The following BAZ2B variants were observed in gnomAD, a reference collection of about 807,000 sequenced individuals.
BAZ2B encodes the protein bromodomain adjacent to zinc finger domain 2B.
BAZ2B carries 91 observed loss-of-function variants against 246.0 expected under a neutral mutation model. The ratio of observed to expected loss-of-function variants is 0.37; its 90% CI spans 0.31 to 0.44. The LOEUF (loss-of-function observed/expected upper bound fraction) is 0.44. BAZ2B is among the 20% of genes least tolerant of loss of function. The pLI is 1.00. For missense variants in BAZ2B, 2,332 were observed against 2,533.7 expected (o/e 0.92, Z 1.71); for synonymous variants, 855 against 860.0 (o/e 0.99, Z 0.10).
chr2:159,689,183 CT>C, the BAZ2B span: 1 of 433,304 alleles, frequency 2.3e-6, no homozygotes, highest in Non-Finnish European at 4.2e-6. Context: ...ACAAATAGGA[CT>C]TTTTATTTGC....
At chr2:159,541,768 T>A (rs1445748975) in intron 2 of BAZ2B, among the ~76,000 whole-genome samples, 1 of 152,206 alleles carries the variant, frequency 6.6e-6, no homozygotes, top group East Asian at 1.9e-4. Flanking sequence ...GGAGTTCTTT[T>A]TTTCTTCATA....
chr2:159,553,392 C>CAAAAA lies in BAZ2B; in HGVS notation c.-3+2426_-3+2430dup, dbSNP rs35253250. 4.6e-3 allele frequency among the ~76,000 whole-genome samples: 335 copies of CAAAAA among 73,544 alleles called. 5 individuals carry two copies. Among genetic ancestry groups the CAAAAA allele is most frequent in the East Asian group, 7.1e-3 (15 of 2,118 alleles). The allele number at this position is 73,544 out of a possible 152,430, so 48.2% of individuals were successfully genotyped here. A position where few individuals can be genotyped will look rare whatever the true frequency, so the allele number is the denominator to read the frequency against. ...CCTGGGCAAGAGTGAGACTCTGTCT[C>CAAAAA]AAAAAAAAAAAAAAAAAAAAAAAAG... On this transcript the variant is annotated intron_variant, in intron 2 of 36. Transcript: ENST00000392783.
chr2:159,652,187 A>G, the BAZ2B span, among the ~76,000 whole-genome samples: 376 of 150,068 alleles, frequency 2.5e-3, 2 homozygotes, highest in African/African-American at 8.8e-3. Context: ...ATTTCTCTCC[A>G]TCTTTACCAT....
At chr2:159,533,358 T>G (rs1338137068) in intron 2 of BAZ2B, among the ~76,000 whole-genome samples, 1 of 152,162 alleles carries the variant, frequency 6.6e-6, no homozygotes, top group Non-Finnish European at 1.5e-5. Context: ...AACACTGGAC[T>G]AGGAATTCGA....
At position 159,385,229 on chromosome 2, in the gene BAZ2B, A is replaced by G. The variant is rs763660388; in HGVS notation, c.3612T>C (p.Ala1204=). The stretch of plus-strand genomic sequence containing the variant: ...CTGAAGCTTTCTGTGCTGGAGTGTG[A>G]GCCTGAAAAGCTTTGGTCTTCAGAC... ...TESLKTKAFQ[A]HTPAQKASVL... is the part of the protein sequence containing the mutation. Residue 1204 remains alanine, a synonymous_variant, in exon 23 of 37, where the codon GCT becomes GCC. Transcript: ENST00000392783. The G allele has an allele frequency of 1.2e-6, 2 of 1,613,626 alleles. No individual in the cohort carries two copies. Among genetic ancestry groups the G allele is most frequent in the East Asian group, 2.2e-5 (1 of 44,864 alleles).
chr2:159,320,145 T>C lies in BAZ2B; in HGVS notation c.*120A>G. The C allele has an allele frequency of 1.1e-6, 1 of 891,442 alleles. No homozygotes were observed. The highest frequency in any genetic ancestry group is 1.5e-6 in the Non-Finnish European group (1 of 652,990). 55.2% of individuals were successfully genotyped at this position (891,442 alleles called of 1,614,324 possible). The stretch of plus-strand genomic sequence containing the variant: ...TCATTCTTCTGATACTTTTTTTTTA[T>C]ACTTAAGGAAAAAGAAAGTCATTAT... On this transcript the variant is annotated 3_prime_UTR_variant, in exon 37 of 37. Transcript: ENST00000392783.
intron 1 of BAZ2B, among the ~76,000 whole-genome samples, chr2:159,610,502 G>A (rs1694485026): frequency 6.6e-6 from 1 of 152,116 alleles, no homozygotes; most frequent in Non-Finnish European, 1.5e-5. Flanking sequence ...GTTAAGAGGA[G>A]AAAACAGGAA....
chr2:159,648,583 TC>T, the BAZ2B span, among the ~76,000 whole-genome samples: 1 of 152,226 alleles, frequency 6.6e-6, no homozygotes. Flanking sequence ...TACTATGTAT[TC>T]TTTTTTGTCT....
At chr2:159,402,213 C>T (rs1353816144) in intron 16 of BAZ2B, among the ~76,000 whole-genome samples, 5 of 151,914 alleles carry the variant, frequency 3.3e-5, no homozygotes, top group Admixed American at 2.6e-4. Flanking sequence ...TCTGGGAGGC[C>T]GAGGCGGGCA....
intron 2 of BAZ2B, among the ~76,000 whole-genome samples, chr2:159,517,269 T>C (rs1384584654): frequency 1.3e-5 from 2 of 152,014 alleles, no homozygotes; most frequent in African/African-American, 2.4e-5. Context: ...TTTAAAAACA[T>C]TGTTAGCTTG....
At chr2:159,494,066 T>C (rs1401060537) in intron 2 of BAZ2B, among the ~76,000 whole-genome samples, 1 of 152,116 alleles carries the variant, frequency 6.6e-6, no homozygotes, top group Non-Finnish European at 1.5e-5. Context: ...CCTTTTATAC[T>C]AGCACTTGCA....
chr2:159,363,765 G>A (rs1429340461), intron 27 of BAZ2B, among the ~76,000 whole-genome samples: 3 of 152,184 alleles, frequency 2.0e-5, no homozygotes, highest in Admixed American at 2.0e-4. Context: ...AAGACCCACT[G>A]AGACTGTGGA....
intron 2 of BAZ2B, among the ~76,000 whole-genome samples, chr2:159,523,850 C>A (rs1055354741): frequency 6.6e-6 from 1 of 152,044 alleles, no homozygotes; most frequent in African/African-American, 2.4e-5. Flanking sequence ...AACAACCCCT[C>A]AAAAAATCCA....
chr2:159,495,348 A>G (rs1054012383), intron 2 of BAZ2B, among the ~76,000 whole-genome samples: 10 of 149,066 alleles, frequency 6.7e-5, no homozygotes, highest in East Asian at 3.9e-4. Context: ...AGCCGGGCGT[A>G]GTGGCGGGCG....
chr2:159,519,155 T>C (rs1315381701), intron 2 of BAZ2B, among the ~76,000 whole-genome samples: 2 of 150,600 alleles, frequency 1.3e-5, no homozygotes, highest in Non-Finnish European at 3.0e-5. Flanking sequence ...CACTAACAAT[T>C]TCCAGAATCT....
the BAZ2B span, among the ~76,000 whole-genome samples, chr2:159,704,199 T>G: frequency 2.0e-5 from 3 of 152,194 alleles, no homozygotes; most frequent in Non-Finnish European, 4.4e-5. Flanking sequence ...AGTACATATG[T>G]CATATGTATA....
At chr2:159,546,304 A>T (rs550922535) in intron 2 of BAZ2B, among the ~76,000 whole-genome samples, 10 of 151,826 alleles carry the variant, frequency 6.6e-5, no homozygotes, top group Admixed American at 5.9e-4. Flanking sequence ...TGATGGTTTT[A>T]AAAACGGGAG....
At chr2:159,540,445 G>A (rs1034507486) in intron 2 of BAZ2B, among the ~76,000 whole-genome samples, 4 of 152,192 alleles carry the variant, frequency 2.6e-5, no homozygotes, top group Admixed American at 6.5e-5. Context: ...TGAAGAATGT[G>A]TCTCATAAGA....
the BAZ2B span, among the ~76,000 whole-genome samples, chr2:159,684,863 T>C: frequency 2.0e-5 from 3 of 152,314 alleles, no homozygotes; most frequent in East Asian, 5.8e-4. Context: ...TTTTCATATA[T>C]CATAGATCAA....
Sources: allele counts gnomAD v4.1 joint callset (sites outside exome capture counted in the v4.1 genomes callset), GRCh38; gene constraint gnomAD v4.1.1; transcripts MANE v1.5; gene names NCBI Gene and HGNC (gene_info 2026-07-23, HGNC 2026-07-21).